Variants in MTMR8 observed in about 807,000 individuals in gnomAD.
MTMR8 encodes the protein myotubularin related protein 8, also known as phosphatidylinositol-3,5-bisphosphate 3-phosphatase MTMR8.
Under a neutral mutation model 39.3 loss-of-function variants are expected in MTMR8, and 65 were observed. The observed-to-expected ratio is 1.65, with a 90% CI of 1.35 to 2.03. MTMR8 has a LOEUF of 2.03. MTMR8 is among the 30% of genes most tolerant of loss of function. The pLI, the probability that MTMR8 is intolerant of heterozygous loss-of-function variation, is 0.00. For synonymous variants in MTMR8, 245 were observed against 185.2 expected (o/e 1.32, Z -2.62); for missense variants, 777 against 538.9 (o/e 1.44, Z -4.37).
In MTMR8 at chrX:64,285,492, C is replaced by A. The variant is rs1169814641; in HGVS notation, c.1482-14419G>T. On this transcript the variant is annotated intron_variant, in intron 12 of 13. Transcript: ENST00000374852. ...GCAGACCTAATAGACATCTACAGAACACTCCACCCCAAATCAACAGAATAT... is the reference window on the plus strand; with the variant it reads ...GCAGACCTAATAGACATCTACAGAAAACTCCACCCCAAATCAACAGAATAT... 3.6e-5 allele frequency among the ~76,000 whole-genome samples: 4 copies of A among 111,561 alleles called. No homozygotes were observed. The East Asian group carries it at 8.4e-4, about 23-fold the overall frequency.
chrX:64,391,151 C>G, intron 1 of MTMR8, among the ~76,000 whole-genome samples: 1 of 112,322 alleles, frequency 8.9e-6, no homozygotes, highest in East Asian at 2.8e-4. Context: ...TTTAGTAGCT[C>G]CTTGGCTATT....
At chrX:64,366,367 C>T (rs938532341) in intron 1 of MTMR8, among the ~76,000 whole-genome samples, 1 of 111,825 alleles carries the variant, frequency 8.9e-6, no homozygotes, top group Non-Finnish European at 1.9e-5. Context: ...TAAAGCACTC[C>T]TCAGAAAATA....
intron 12 of MTMR8, among the ~76,000 whole-genome samples, chrX:64,283,393 T>TG (rs1921033692): frequency 8.9e-6 from 1 of 112,136 alleles, no homozygotes; most frequent in Non-Finnish European, 1.9e-5. Context: ...ACTCCACCTC[T>TG]GGGGGCAGGG....
chrX:64,283,395 G>T (rs772584058), intron 12 of MTMR8, among the ~76,000 whole-genome samples: 1 of 112,151 alleles, frequency 8.9e-6, no homozygotes, highest in African/African-American at 3.2e-5. Context: ...TCCACCTCTG[G>T]GGGCAGGGTA....
chrX:64,310,772 T>G (rs1922272200), intron 12 of MTMR8, among the ~76,000 whole-genome samples: 1 of 111,015 alleles, frequency 9.0e-6, no homozygotes, highest in African/African-American at 3.3e-5. Flanking sequence ...GTTTTTGTGA[T>G]AGTTTGCTGA....
chrX:64,269,936 G>A (rs1312640659), intron 13 of MTMR8, among the ~76,000 whole-genome samples: 3 of 111,596 alleles, frequency 2.7e-5, no homozygotes, highest in African/African-American at 9.8e-5. Flanking sequence ...CTGGGTATAT[G>A]TGAAATGAAT....
intron 11 of MTMR8, among the ~76,000 whole-genome samples, chrX:64,329,747 G>C (rs1330199045): frequency 9.0e-6 from 1 of 111,160 alleles, no homozygotes; most frequent in African/African-American, 3.3e-5. Flanking sequence ...GCAATTGTCA[G>C]AGCATTTCAG....
rs149756456 is a variant in MTMR8, at chrX:64,350,015, G to A, written c.524C>T (p.Thr175Met). 215 of 1,190,690 alleles carry A rather than the reference G, an allele frequency of 1.8e-4. No individual in the cohort carries two copies. The highest frequency in any genetic ancestry group is 1.4e-3 in the Admixed American group (64 of 44,702). Reference protein sequence around the residue: ...IVVPKSVTLGTVVGSSKFRSK... With the variant: ...IVVPKSVTLGMVVGSSKFRSK... ...TCTGAACTTTGAACTTCCAACCACC[G>A]TTCCCAAGGTAACAGATTTAGGAAC... The change falls in exon 5 of 14, where the codon ACG becomes ATG. Residue 175 changes from threonine to methionine, a missense_variant. Transcript: ENST00000374852.
At chrX:64,323,991 T>A (rs1326433904) in intron 12 of MTMR8, among the ~76,000 whole-genome samples, 2 of 112,213 alleles carry the variant, frequency 1.8e-5, no homozygotes, top group Non-Finnish European at 3.8e-5. Flanking sequence ...AACCTAACAA[T>A]GCACCAAAGG....
chrX:64,373,359 T>C (rs924403693), intron 1 of MTMR8, among the ~76,000 whole-genome samples: 2 of 111,490 alleles, frequency 1.8e-5, no homozygotes, highest in Non-Finnish European at 3.8e-5. Context: ...GTTCTCATGA[T>C]AGTGAGTTCT....
intron 12 of MTMR8, among the ~76,000 whole-genome samples, chrX:64,279,170 GCCACC>G (rs1293849659): frequency 8.9e-6 from 1 of 111,853 alleles, no homozygotes; most frequent in Non-Finnish European, 1.9e-5. Flanking sequence ...TGTGCCCAAA[GCCACC>G]CCTTCCCCCT....
intron 8 of MTMR8, among the ~76,000 whole-genome samples, chrX:64,341,899 T>C (rs2147226085): frequency 8.9e-6 from 1 of 112,282 alleles, no homozygotes; most frequent in South Asian, 3.7e-4. Context: ...TTTGATAATG[T>C]ACATGTATTG....
At chrX:64,283,500 A>C (rs768455428) in intron 12 of MTMR8, among the ~76,000 whole-genome samples, 1 of 111,992 alleles carries the variant, frequency 8.9e-6, no homozygotes, top group Admixed American at 9.4e-5. Flanking sequence ...ACGGAGTTTG[A>C]GATCTGAGAA....
rs1931674919 is a variant in MTMR8 at position 64,268,417 on chromosome X, G to A, written c.*120C>T. 1 of 852,496 alleles carries A rather than the reference G, an allele frequency of 1.2e-6. No individual in the cohort carries two copies. The allele number at this position is 852,496 out of a possible 1,213,427, so 70.3% of individuals were successfully genotyped here. A position where few individuals can be genotyped will look rare whatever the true frequency, so the allele number is the denominator to read the frequency against. On this transcript the variant is annotated 3_prime_UTR_variant, in exon 14 of 14. Coordinates refer to ENST00000374852, the MANE Select transcript of MTMR8 (RefSeq NM_017677.4). ...GTAATTCCCTTCCAGACTTAAGTGGGGAGAGGGGTGCCCTGGCTTCACCCA... is the reference window on the plus strand; with the variant it reads ...GTAATTCCCTTCCAGACTTAAGTGGAGAGAGGGGTGCCCTGGCTTCACCCA...
chrX:64,343,763 T>G (rs370647820), intron 7 of MTMR8, 43 bp from the exon 8 acceptor site: 219 of 916,661 alleles, frequency 2.4e-4, no homozygotes, highest in Non-Finnish European at 3.0e-4. Context: ...CACAATCAAC[T>G]CAGTTTATTC....
At chrX:64,288,903 G>A (rs780795860) in intron 12 of MTMR8, among the ~76,000 whole-genome samples, 7 of 110,237 alleles carry the variant, frequency 6.3e-5, no homozygotes, top group African/African-American at 2.3e-4. Flanking sequence ...AGCATTAGGA[G>A]ATATATCTAA....
intron 12 of MTMR8, among the ~76,000 whole-genome samples, chrX:64,301,676 T>C (rs200257873): frequency 9.0e-6 from 1 of 111,520 alleles, no homozygotes; most frequent in Non-Finnish European, 1.9e-5. Flanking sequence ...TTTCCAGTTT[T>C]TCTGTTCTGT....
intron 12 of MTMR8, among the ~76,000 whole-genome samples, chrX:64,325,066 G>T (rs1922755460): frequency 9.0e-6 from 1 of 110,962 alleles, no homozygotes; most frequent in African/African-American, 3.3e-5. Context: ...ATAAAAAATG[G>T]ATAAATTCCT....
At chrX:64,326,782 T>C (rs1190590371) in intron 12 of MTMR8, among the ~76,000 whole-genome samples, 1 of 109,801 alleles carries the variant, frequency 9.1e-6, no homozygotes, top group Non-Finnish European at 1.9e-5. Flanking sequence ...GCTGAAGATA[T>C]CACTCTATCT....
Sources: gnomAD v4.1 joint callset for allele counts (sites outside exome capture counted in the v4.1 genomes callset) on GRCh38, gnomAD v4.1.1 for gene constraint, MANE v1.5 for transcripts, NCBI Gene and HGNC (gene_info 2026-07-23, HGNC 2026-07-21) for gene names.